PPP6R3: variants seen among roughly 807,000 people sequenced by gnomAD.
The protein encoded by PPP6R3 is serine/threonine-protein phosphatase 6 regulatory subunit 3.
In PPP6R3, 38 loss-of-function variants were observed where a neutral mutation model predicts 110.7. The observed-to-expected ratio is 0.34, with a 90% confidence interval of 0.26 to 0.45. The LOEUF (loss-of-function observed/expected upper bound fraction) is 0.45. Ranked by LOEUF, PPP6R3 falls within the 20% of genes least tolerant of loss-of-function variation. PPP6R3 has a pLI of 1.00. For synonymous variants in PPP6R3, 369 were observed against 373.5 expected (o/e 0.99, Z 0.14); for missense variants, 870 against 1,062.4 (o/e 0.82, Z 2.52).
intron 1 of PPP6R3, among the ~76,000 whole-genome samples, chr11:68,487,268 C>T (rs2153417566): frequency 6.6e-6 from 1 of 152,206 alleles, no homozygotes; most frequent in South Asian, 2.1e-4. Flanking sequence ...TTGTATTTTT[C>T]AAGGCCAGGT....
chr11:68,605,652 A>G (rs1939251183), intron 22 of PPP6R3, among the ~76,000 whole-genome samples: 1 of 152,218 alleles, frequency 6.6e-6, no homozygotes, highest in Non-Finnish European at 1.5e-5. Context: ...TTAATTTCTA[A>G]TATCCCAGAA....
chr11:68,488,266 A>AG (rs1306238472), intron 1 of PPP6R3, among the ~76,000 whole-genome samples: 3 of 152,000 alleles, frequency 2.0e-5, no homozygotes, highest in African/African-American at 7.3e-5. Flanking sequence ...TCTATAGCCC[A>AG]GGCTGCAGTG....
chr11:68,523,735 T>C (rs1431506774), intron 2 of PPP6R3, among the ~76,000 whole-genome samples: 1 of 128,170 alleles, frequency 7.8e-6, no homozygotes, highest in Admixed American at 8.9e-5. Context: ...TTTTTTTCTC[T>C]TGGCCAAGAG....
At chr11:68,482,879 C>T (rs76865366) in intron 1 of PPP6R3, among the ~76,000 whole-genome samples, 2,072 of 151,912 alleles carry the variant, frequency 0.014, 58 homozygotes, top group African/African-American at 0.047. Context: ...ACTATTGTGC[C>T]GTTCTTTTTT....
rs551376468 is a variant in PPP6R3, at chr11:68,487,734, A to G, written c.-158+26907A>G. Among the ~76,000 whole-genome samples the G allele has an allele frequency of 9.9e-5, 15 of 151,976 alleles. No individual in the cohort carries two copies. In the Middle Eastern group the frequency reaches 0.01, roughly 103 times the overall value. ...TGTTATTGATTTCTAGTTTAATTTC[A>G]TTGTGGTCTGAGAGTACATTGTATG... On this transcript the variant is annotated intron_variant, in intron 1 of 23. Coordinates refer to ENST00000393800, the MANE Select transcript of PPP6R3 (RefSeq NM_001164161.2).
At chr11:68,511,807 T>TGTGTGTGTGTGTG (rs1371095088) in intron 1 of PPP6R3, among the ~76,000 whole-genome samples, 1 of 144,538 alleles carries the variant, frequency 6.9e-6, no homozygotes, top group Non-Finnish European at 1.5e-5. Flanking sequence ...GTGTGTGTGT[T>TGTGTGTGTGTGTG]TTTTAAATGT....
At chr11:68,576,094 C>T (rs2099530271) in intron 14 of PPP6R3, 51 bp downstream of exon 14, 2 of 1,321,232 alleles carry the variant, frequency 1.5e-6, no homozygotes, top group Non-Finnish European at 2.1e-6. Flanking sequence ...TTAGCCTTTG[C>T]CCATTTATTC....
chr11:68,473,335 CT>C (rs1302847200), intron 1 of PPP6R3, among the ~76,000 whole-genome samples: 10 of 152,216 alleles, frequency 6.6e-5, no homozygotes, highest in African/African-American at 2.4e-4. Context: ...CTAGAAACTT[CT>C]AGAACACATG....
chr11:68,524,143 G>T (rs1272010784), intron 2 of PPP6R3, among the ~76,000 whole-genome samples: 2 of 152,084 alleles, frequency 1.3e-5, no homozygotes, highest in Non-Finnish European at 2.9e-5. Flanking sequence ...GCTTTGCCAG[G>T]GCGCCTCCAA....
intron 1 of PPP6R3, among the ~76,000 whole-genome samples, chr11:68,466,024 C>A (rs1268420501): frequency 6.6e-6 from 1 of 152,204 alleles, no homozygotes. Flanking sequence ...TATCCTTTGA[C>A]CAAACCTCAG....
At position 68,613,054 on chromosome 11, in the gene PPP6R3, GT is replaced by G. The variant is rs761387609; in HGVS notation, c.2571-10del. On this transcript the variant is annotated splice_polypyrimidine_tract_variant and intron_variant, in intron 23 of 23. Transcript: ENST00000393800. ...CTGCAAGTGCCTCCGATGCCTGTCT[GT>G]TGCTCCTTAGGACTGGCCAACCAAG... 2.5e-6 allele frequency: 4 copies of G among 1,614,140 alleles called. No homozygotes were observed. In the South Asian group the frequency reaches 4.4e-5, roughly 18 times the overall value.
rs773409859 is a variant in PPP6R3, at chr11:68,571,020, A to G, written c.1279-20A>G. On this transcript the variant is annotated intron_variant, in intron 11 of 23. Coordinates refer to ENST00000393800, the MANE Select transcript of PPP6R3 (RefSeq NM_001164161.2). ...GATGCTTTGAAGTATTAACTGGAATATTCTTTTTTTTTTTTTCAGCTTTTC... is the reference window on the plus strand; with the variant it reads ...GATGCTTTGAAGTATTAACTGGAATGTTCTTTTTTTTTTTTTCAGCTTTTC... 3 of 1,574,586 alleles carry G rather than the reference A, an allele frequency of 1.9e-6. No homozygotes were observed. Among genetic ancestry groups the G allele is most frequent in the Non-Finnish European group, 2.6e-6 (3 of 1,162,036 alleles).
intron 23 of PPP6R3, among the ~76,000 whole-genome samples, chr11:68,612,538 A>G (rs1274679303): frequency 2.0e-5 from 3 of 150,194 alleles, no homozygotes; most frequent in African/African-American, 7.4e-5. Flanking sequence ...TGAGCCTAAC[A>G]TTTGCTTTGT....
At chr11:68,550,192 T>C (rs1236571503) in intron 5 of PPP6R3, among the ~76,000 whole-genome samples, 2 of 152,206 alleles carry the variant, frequency 1.3e-5, no homozygotes, top group Admixed American at 1.3e-4. Context: ...AAAACAGATA[T>C]TAAAATATGA....
intron 1 of PPP6R3, among the ~76,000 whole-genome samples, chr11:68,518,975 A>C (rs1347246320): frequency 6.6e-6 from 1 of 152,176 alleles, no homozygotes; most frequent in Non-Finnish European, 1.5e-5. Flanking sequence ...GATAATTTCT[A>C]TTCTTTTCAT....
chr11:68,603,230 T>A, intron 21 of PPP6R3, 112 bp from the exon 22 acceptor site: 1 of 1,395,326 alleles, frequency 7.2e-7, no homozygotes, highest in East Asian at 2.4e-5. Flanking sequence ...ATCTCACTCT[T>A]TTTTTTCTTC....
intron 1 of PPP6R3, chr11:68,505,274 A>G (rs1194162405): frequency 6.6e-6 from 1 of 152,222 alleles, no homozygotes; most frequent in African/African-American, 2.4e-5. Flanking sequence ...TTTAAGGGGT[A>G]TGTGGCTTTA....
At chr11:68,489,677 T>A (rs1020963713) in intron 1 of PPP6R3, among the ~76,000 whole-genome samples, 3 of 152,118 alleles carry the variant, frequency 2.0e-5, no homozygotes, top group South Asian at 4.1e-4. Context: ...AGCATTTTTT[T>A]ATTGGTAAAA....
chr11:68,556,035 A>G (rs956847302), intron 7 of PPP6R3, among the ~76,000 whole-genome samples: 3 of 152,232 alleles, frequency 2.0e-5, no homozygotes, highest in East Asian at 1.9e-4. Context: ...TATTTGATAT[A>G]TTATGTGATA....
Sources: allele counts gnomAD v4.1 joint callset (sites outside exome capture counted in the v4.1 genomes callset), GRCh38; gene constraint gnomAD v4.1.1; transcripts MANE v1.5; gene names NCBI Gene and HGNC (gene_info 2026-07-23, HGNC 2026-07-21).